The following ADCY5 variants were observed in gnomAD, a reference collection of about 807,000 sequenced individuals.
The protein encoded by ADCY5 is adenylate cyclase type 5.
In ADCY5, 30 loss-of-function variants were observed where a neutral mutation model predicts 119.7. The observed-to-expected ratio is 0.25, with a 90% confidence interval of 0.19 to 0.34. The LOEUF (loss-of-function observed/expected upper bound fraction) is 0.34. Ranked by LOEUF, ADCY5 falls within the 10% of genes least tolerant of loss-of-function variation. The probability of loss-of-function intolerance (pLI) is 1.00; values close to 1 mark genes in which losing one functional copy is unlikely to be tolerated. For missense variants in ADCY5, 1,324 were observed against 1,775.2 expected, an observed-to-expected ratio of 0.75 and a Z score of 4.57; for synonymous variants, 753 against 762.2, an observed-to-expected ratio of 0.99 and a Z score of 0.20.
In ADCY5 at chr3:123,284,563, A is replaced by G. The variant is rs1374753032; in HGVS notation, c.*45T>C. 2 of 1,610,712 alleles carry G rather than the reference A, an allele frequency of 1.2e-6. No homozygotes were observed. Among genetic ancestry groups the G allele is most frequent in the East Asian group, 2.2e-5 (1 of 44,806 alleles). ...CCCGGCACACAGAGAAGCTGCTTCCATGCCTCTGGAGGCCAGGCTGCCTGG... is the reference window on the plus strand; with the variant it reads ...CCCGGCACACAGAGAAGCTGCTTCCGTGCCTCTGGAGGCCAGGCTGCCTGG... On this transcript the variant is annotated 3_prime_UTR_variant, in exon 21 of 21. Transcript: ENST00000462833.
intron 1 of ADCY5, among the ~76,000 whole-genome samples, chr3:123,396,819 C>CAGGCAGGCAGGCGAGAGAGA (rs1944604516): frequency 3.2e-5 from 2 of 62,364 alleles, no homozygotes; most frequent in African/African-American, 1.2e-4. Context: ...GGCAGGCAGG[C>CAGGCAGGCAGGCGAGAGAGA]GAGAGAGAGA....
chr3:123,289,412 T>C (rs1277477418), intron 19 of ADCY5, among the ~76,000 whole-genome samples: 1 of 152,172 alleles, frequency 6.6e-6, no homozygotes, highest in Non-Finnish European at 1.5e-5. Flanking sequence ...GCACAGAGCA[T>C]CCCCCACAAA....
rs914980391 is a variant in ADCY5, at chr3:123,304,769, G to A, written c.2443-586C>T. On this transcript the variant is annotated intron_variant, in intron 12 of 20. Transcript: ENST00000462833. ...TGCCATTTCCCTCATTCTCTCCTACGCTGTATTCTTCCACCAGACAAACCA... is the reference window on the plus strand; with the variant it reads ...TGCCATTTCCCTCATTCTCTCCTACACTGTATTCTTCCACCAGACAAACCA... Among the ~76,000 whole-genome samples, 4 of 152,190 alleles carry A rather than the reference G, an allele frequency of 2.6e-5. No individual in the cohort carries two copies. The South Asian group carries it at 6.2e-4, about 24-fold the overall frequency.
At chr3:123,336,530 G>T (rs1030181951) in intron 3 of ADCY5, among the ~76,000 whole-genome samples, 2 of 152,204 alleles carry the variant, frequency 1.3e-5, no homozygotes, top group Non-Finnish European at 2.9e-5. Flanking sequence ...AGATGCCCCC[G>T]GGGTAGGAAG....
intron 4 of ADCY5, among the ~76,000 whole-genome samples, chr3:123,332,233 A>T (rs1941797314): frequency 6.6e-6 from 1 of 152,176 alleles, no homozygotes; most frequent in Non-Finnish European, 1.5e-5. Context: ...CCAGACAAAC[A>T]GCTTATTCCC....
intron 1 of ADCY5, among the ~76,000 whole-genome samples, chr3:123,434,665 G>A (rs1945576995): frequency 6.6e-6 from 1 of 152,170 alleles, no homozygotes; most frequent in Non-Finnish European, 1.5e-5. Flanking sequence ...TCAACCCTAG[G>A]AGTGCCCAAG....
chr3:123,415,048 G>A (rs1017315777), intron 1 of ADCY5, among the ~76,000 whole-genome samples: 3 of 152,162 alleles, frequency 2.0e-5, no homozygotes, highest in Non-Finnish European at 4.4e-5. Flanking sequence ...TCCTTGGGGT[G>A]AGCTACAGCA....
At chr3:123,394,606 G>A (rs907610561) in intron 1 of ADCY5, among the ~76,000 whole-genome samples, 2 of 152,172 alleles carry the variant, frequency 1.3e-5, no homozygotes, top group Non-Finnish European at 2.9e-5. Flanking sequence ...GATGGGGGCG[G>A]GGCAGAGCCA....
intron 16 of ADCY5, chr3:123,297,012 A>G: frequency 6.5e-7 from 1 of 1,536,084 alleles, no homozygotes; most frequent in Non-Finnish European, 8.7e-7. Context: ...GAAAGTAGGT[A>G]CCAGCTTCCA....
Position 123,303,194 on chromosome 3 carries a change from A to G in ADCY5, c.2585T>C (p.Leu862Pro), listed in dbSNP as rs781004075. The G allele has an allele frequency of 3.7e-6, 6 of 1,613,742 alleles. No individual in the cohort carries two copies. Among genetic ancestry groups the G allele is most frequent in the Admixed American group, 1.7e-5 (1 of 60,028 alleles). The change falls in exon 14 of 21, where the codon CTG becomes CCG. Residue 862 changes from leucine to proline, a missense_variant. Coordinates refer to ENST00000462833, the MANE Select transcript of ADCY5 (RefSeq NM_183357.3). The stretch of plus-strand genomic sequence containing the variant: ...GTTGTGCTCCTGTGCCAAGCAGCCC[A>G]GCAGGTCCCTGGAGTTGCACGTGAA... ...NMFTCNSRDL[L>P]GCLAQEHNIS...
chr3:123,425,582 T>A lies in ADCY5; in HGVS notation c.1134+21830A>T, dbSNP rs1354260430. Among the ~76,000 whole-genome samples the A allele has an allele frequency of 3.3e-5, 5 of 152,288 alleles. No individual in the cohort carries two copies. In the East Asian group the frequency reaches 9.7e-4, roughly 29 times the overall value. ...AGTGGCCCCAGCCCTTTCAAAACCATCCACAGCTTATTTACCAGATCCTCT... is the reference window on the plus strand; with the variant it reads ...AGTGGCCCCAGCCCTTTCAAAACCAACCACAGCTTATTTACCAGATCCTCT... On this transcript the variant is annotated intron_variant, in intron 1 of 20. Transcript: ENST00000462833.
chr3:123,285,847 C>T (rs926127225), intron 20 of ADCY5, among the ~76,000 whole-genome samples: 39 of 152,250 alleles, frequency 2.6e-4, no homozygotes, highest in Non-Finnish European at 7.3e-5. Context: ...GGCCAGCATC[C>T]ACACCTCAGC....
intron 7 of ADCY5, 133 bp downstream of exon 7, chr3:123,327,485 A>T: frequency 1.0e-6 from 1 of 982,798 alleles, no homozygotes; most frequent in Non-Finnish European, 1.5e-6. Context: ...GGTCCTTTTT[A>T]AGATGCAGGA....
chr3:123,379,794 T>G (rs1943967885), intron 1 of ADCY5, among the ~76,000 whole-genome samples: 1 of 152,188 alleles, frequency 6.6e-6, no homozygotes, highest in Non-Finnish European at 1.5e-5. Context: ...AGACCTTCTG[T>G]GAACAGCACA....
At chr3:123,347,130 C>T (rs1942602115) in intron 3 of ADCY5, among the ~76,000 whole-genome samples, 1 of 152,134 alleles carries the variant, frequency 6.6e-6, no homozygotes, top group Admixed American at 6.5e-5. Context: ...TTTCTTTCTC[C>T]ATGACTGGCT....
chr3:123,385,858 C>A (rs1559853302), intron 1 of ADCY5, among the ~76,000 whole-genome samples: 1 of 152,204 alleles, frequency 6.6e-6, no homozygotes. Flanking sequence ...AAAAAGACTT[C>A]TTTCGTGGAC....
intron 13 of ADCY5, among the ~76,000 whole-genome samples, chr3:123,303,866 G>A (rs1250490949): frequency 1.4e-5 from 2 of 145,558 alleles, no homozygotes; most frequent in African/African-American, 2.7e-5. Context: ...GAGAAGAGAA[G>A]AGAAGAGAAG....
At chr3:123,330,356 T>C (rs937295467) in intron 5 of ADCY5, among the ~76,000 whole-genome samples, 3 of 152,232 alleles carry the variant, frequency 2.0e-5, no homozygotes, top group African/African-American at 7.2e-5. Flanking sequence ...CTGTGGCCAG[T>C]GATAGCCATG....
At chr3:123,378,302 G>T (rs1943912587) in intron 1 of ADCY5, among the ~76,000 whole-genome samples, 1 of 151,616 alleles carries the variant, frequency 6.6e-6, no homozygotes. Flanking sequence ...CAGAACAGCA[G>T]GGTCTACACC....
Sources: allele counts gnomAD v4.1 joint callset (sites outside exome capture counted in the v4.1 genomes callset), GRCh38; gene constraint gnomAD v4.1.1; transcripts MANE v1.5; gene names NCBI Gene and HGNC (gene_info 2026-07-23, HGNC 2026-07-21).